The following MAD1L1 variants were observed in gnomAD, a reference collection of about 807,000 sequenced individuals.
MAD1L1 encodes the protein mitotic spindle assembly checkpoint protein MAD1.
In MAD1L1, 95 loss-of-function variants were observed where a neutral mutation model predicts 96.9. That is an observed-to-expected ratio of 0.98 (90% CI 0.83 to 1.16). MAD1L1 has a LOEUF of 1.16. MAD1L1 is among the 50% of genes most tolerant of loss of function. The pLI, the probability that MAD1L1 is intolerant of heterozygous loss-of-function variation, is 0.00. For missense variants in MAD1L1, 1,007 were observed against 954.4 expected (o/e 1.06, Z -0.73); for synonymous variants, 473 against 396.6 (o/e 1.19, Z -2.29).
At chr7:1,924,018 A>C (rs1261568951) in intron 17 of MAD1L1, among the ~76,000 whole-genome samples, 2 of 152,266 alleles carry the variant, frequency 1.3e-5, no homozygotes, top group African/African-American at 4.8e-5. Context: ...CGGGATATTC[A>C]AAACATCCAG....
chr7:2,182,691 G>A (rs576016662), intron 10 of MAD1L1, among the ~76,000 whole-genome samples: 2 of 152,312 alleles, frequency 1.3e-5, no homozygotes, highest in South Asian at 4.1e-4. Context: ...CGTGCTGAGA[G>A]GAAAGCGCCA....
chr7:2,219,502 T>C, intron 5 of MAD1L1, 46 bp from the exon 6 acceptor site: 1 of 1,596,868 alleles, frequency 6.3e-7, no homozygotes. Context: ...GTGGAGCCCG[T>C]GCGTGGAAGG....
At chr7:2,041,439 C>T (rs1357497543) in intron 12 of MAD1L1, among the ~76,000 whole-genome samples, 2 of 152,206 alleles carry the variant, frequency 1.3e-5, no homozygotes. Context: ...AGAGTCAGCT[C>T]ATCACATTCA....
intron 18 of MAD1L1, among the ~76,000 whole-genome samples, chr7:1,890,289 C>T (rs552754198): frequency 3.4e-4 from 51 of 152,184 alleles, no homozygotes; most frequent in Admixed American, 1.2e-3. Context: ...GAGGTGTCTG[C>T]GTCATGGGGT....
chr7:1,887,988 CATGT>C (rs1218642493), intron 18 of MAD1L1, among the ~76,000 whole-genome samples: 990 of 86,130 alleles, frequency 0.011, 11 homozygotes, highest in African/African-American at 0.048. Flanking sequence ...TGTGTGCATG[CATGT>C]GTGTATATGG....
intron 17 of MAD1L1, among the ~76,000 whole-genome samples, chr7:1,929,406 AG>A (rs1789296118): frequency 6.6e-6 from 1 of 152,276 alleles, no homozygotes; most frequent in African/African-American, 2.4e-5. Context: ...TGGACGTGGC[AG>A]GGGGGCTGAG....
At position 1,944,119 on chromosome 7, in the gene MAD1L1, G is replaced by C. The variant is rs1220686244; in HGVS notation, c.1597-7222C>G. Among the ~76,000 whole-genome samples the C allele has an allele frequency of 2.0e-5, 3 of 152,158 alleles. No individual in the cohort carries two copies. In the South Asian group the frequency reaches 6.2e-4, roughly 32 times the overall value. Reference sequence around the variant, plus strand: ...GGGACTCCCTCCCAGGAAATGCTCAGAACAGGCCACGGGACTCCCTTTCCA... The same window carrying C: ...GGGACTCCCTCCCAGGAAATGCTCACAACAGGCCACGGGACTCCCTTTCCA... On this transcript the variant is annotated intron_variant, in intron 16 of 18. Coordinates refer to ENST00000265854, the MANE Select transcript of MAD1L1 (RefSeq NM_001013836.2).
chr7:1,902,867 T>G (rs143304643), intron 17 of MAD1L1, among the ~76,000 whole-genome samples: 1,551 of 150,344 alleles, frequency 0.01, 38 homozygotes, highest in Admixed American at 0.064. Context: ...GCGGAACTCA[T>G]GATTGATGAA....
chr7:2,043,701 G>T (rs546452266), intron 12 of MAD1L1, among the ~76,000 whole-genome samples: 6 of 152,352 alleles, frequency 3.9e-5, no homozygotes, highest in Non-Finnish European at 8.8e-5. Context: ...CAGCCCTGCG[G>T]AGTGCCAGCC....
intron 10 of MAD1L1, among the ~76,000 whole-genome samples, chr7:2,160,610 G>T (rs530620767): frequency 6.6e-6 from 1 of 151,932 alleles, no homozygotes; most frequent in South Asian, 2.1e-4. Context: ...TGGGATTACA[G>T]GCGTGAGCCA....
At chr7:1,979,531 C>T (rs530128962) in intron 15 of MAD1L1, among the ~76,000 whole-genome samples, 3 of 152,366 alleles carry the variant, frequency 2.0e-5, no homozygotes, top group Middle Eastern at 3.4e-3. Flanking sequence ...AAGCGGAGCC[C>T]GGAGCTCCAC....
intron 10 of MAD1L1, among the ~76,000 whole-genome samples, chr7:2,164,409 G>A (rs923132871): frequency 2.6e-5 from 4 of 152,192 alleles, no homozygotes; most frequent in Admixed American, 1.3e-4. Flanking sequence ...GGAGCTCTGC[G>A]CTGAGGGCAC....
intron 7 of MAD1L1, 106 bp downstream of exon 7, chr7:2,217,856 A>G (rs1793374912): frequency 3.2e-6 from 3 of 946,440 alleles, no homozygotes; most frequent in Non-Finnish European, 5.1e-6. Context: ...AGCTAACCTC[A>G]CAGAAGGACC....
chr7:2,151,851 C>T lies in MAD1L1; in HGVS notation c.987-2613G>A, dbSNP rs76400614. ...GGCACACGCACCAGGCAGTCTCCTA[C>T]GTCACCCAGGAAGGCCTCTGTCTCA... On this transcript the variant is annotated intron_variant, in intron 10 of 18. Coordinates refer to ENST00000265854, the MANE Select transcript of MAD1L1 (RefSeq NM_001013836.2). Among the ~76,000 whole-genome samples the T allele has an allele frequency of 1.5e-3, 221 of 152,362 alleles. 2 individuals carry two copies. The highest frequency in any genetic ancestry group is 4.9e-3 in the African/African-American group (204 of 41,578).
intron 12 of MAD1L1, among the ~76,000 whole-genome samples, chr7:2,039,041 C>T (rs978009244): frequency 1.3e-5 from 2 of 152,188 alleles, no homozygotes; most frequent in Admixed American, 6.5e-5. Context: ...TCCTCCTGTG[C>T]GTCTCCGTAA....
chr7:1,922,527 G>T (rs10268609), intron 17 of MAD1L1, among the ~76,000 whole-genome samples: 125,490 of 152,262 alleles, frequency 0.82, 51,859 homozygotes, highest in East Asian at 0.89. Context: ...CAGAAATCCC[G>T]GGTGAACTCG....
chr7:1,864,737 C>A (rs1011657007), intron 18 of MAD1L1, among the ~76,000 whole-genome samples: 12 of 152,180 alleles, frequency 7.9e-5, no homozygotes, highest in African/African-American at 1.2e-4. Flanking sequence ...CGTGAACAGA[C>A]TGGCCCCCTC....
chr7:1,941,409 A>G (rs947389841), intron 16 of MAD1L1, among the ~76,000 whole-genome samples: 2 of 152,246 alleles, frequency 1.3e-5, no homozygotes, highest in African/African-American at 2.4e-5. Flanking sequence ...TTTAAGGACC[A>G]AAAGCCCAAG....
chr7:1,992,160 G>T (rs866109379), intron 14 of MAD1L1, among the ~76,000 whole-genome samples: 1 of 149,220 alleles, frequency 6.7e-6, no homozygotes, highest in Non-Finnish European at 1.5e-5. Flanking sequence ...CCACCAGAGC[G>T]CCACTGCTGG....
Sources: gnomAD v4.1 joint callset for allele counts (sites outside exome capture counted in the v4.1 genomes callset) on GRCh38, gnomAD v4.1.1 for gene constraint, MANE v1.5 for transcripts, NCBI Gene and HGNC (gene_info 2026-07-23, HGNC 2026-07-21) for gene names.